Variants in LAMB2 observed in about 807,000 individuals in gnomAD.
LAMB2 encodes laminin subunit beta 2, also known as laminin subunit beta-2.
LAMB2 carries 119 observed loss-of-function variants against 202.7 expected under a neutral mutation model. The ratio of observed to expected loss-of-function variants is 0.59; its 90% CI spans 0.51 to 0.68. LAMB2 has a LOEUF of 0.68. LAMB2 is among the 30% of genes least tolerant of loss of function. LAMB2 has a pLI of 0.00. For synonymous variants in LAMB2, 818 were observed against 902.2 expected (o/e 0.91, Z 1.67); for missense variants, 2,124 against 2,410.6 (o/e 0.88, Z 2.49).
intron 24 of LAMB2, 22 bp from the exon 25 acceptor site, chr3:49,123,653 T>C (rs2045377114): frequency 1.2e-6 from 2 of 1,613,176 alleles, no homozygotes; most frequent in Non-Finnish European, 1.7e-6. Context: ...GAGAGGGGGG[T>C]GTTTAGAGAG....
At position 49,123,370 on chromosome 3, in the gene LAMB2, G is replaced by A. The variant is rs1575531630; in HGVS notation, c.3986C>T (p.Ala1329Val). The A allele has an allele frequency of 6.2e-7, 1 of 1,613,984 alleles. No individual in the cohort carries two copies. The highest frequency in any genetic ancestry group is 8.5e-7 in the Non-Finnish European group (1 of 1,180,010). ...DLLKHSNFLG[A>V]YDSIRHAHSQ... is the part of the protein sequence containing the mutation. ...ATGGGCATGCCGGATGCTGTCATAG[G>A]CACCTAAATTGGGCAGAGGCAGACA... is the stretch of plus-strand genomic sequence containing the variant. The change falls in exon 26 of 32, where the codon GCC (alanine) becomes GTC (valine). Residue 1329 changes from alanine (A) to valine (V), a missense_variant. Ala to Val is a moderately conservative substitution (Grantham distance 64). Coordinates refer to ENST00000305544, the MANE Select transcript of LAMB2 (RefSeq NM_002292.4).
At chr3:49,125,934 T>C in intron 17 of LAMB2, 33 bp downstream of exon 17, 1 of 1,614,068 alleles carries the variant, frequency 6.2e-7, no homozygotes, top group Non-Finnish European at 8.5e-7. Flanking sequence ...GGTCCCCACC[T>C]CTGCCCCATC....
In LAMB2 at chr3:49,124,765, C is replaced by T. The variant is rs746638105; in HGVS notation, c.3045G>A (p.Glu1015=). ...GQCLRCLHHT[E]GPHCAHCKPG... ...GCTTGCAGTGGGCACAGTGTGGACCCTCTGTGTGGTGTAAACAGCGCAGGC... is the reference window on the plus strand; with the variant it reads ...GCTTGCAGTGGGCACAGTGTGGACCTTCTGTGTGGTGTAAACAGCGCAGGC... The change falls in exon 21 of 32, where the codon GAG becomes GAA. Residue 1015 remains glutamate, a synonymous_variant. Transcript: ENST00000305544. 51 of 1,614,092 alleles carry T rather than the reference C, an allele frequency of 3.2e-5. No homozygotes were observed. The highest frequency in any genetic ancestry group is 3.7e-5 in the Non-Finnish European group (44 of 1,180,048).
rs947153192 is a variant in LAMB2 at position 49,131,066 on chromosome 3, G to A, written c.799C>T (p.Arg267Ter). ...TAGAGGGCATAGTAGTACTTCTCTC[G>A]GATCTCCCTCCGTGGGTCGAGTAGG... is the stretch of plus-strand genomic sequence containing the variant. ...DNLLDPRREI[R>*]EKYYYALYEL... The change falls in exon 7 of 32, where the codon CGA (arginine) becomes TGA (stop). Residue 267 changes from arginine to a stop codon, truncating the protein, a stop_gained. Coordinates refer to ENST00000305544, the MANE Select transcript of LAMB2 (RefSeq NM_002292.4). LOFTEE classifies it high-confidence loss of function. This position sits in a 1 kb window ranked among gnomAD's most constrained non-coding sequence, Gnocchi z 5.0. 1 of 1,613,796 alleles carries A rather than the reference G, an allele frequency of 6.2e-7. No homozygotes were observed. The highest frequency in any genetic ancestry group is 1.3e-5 in the African/African-American group (1 of 75,030).
In LAMB2 at chr3:49,124,701, G is replaced by A. The variant is rs201159870; in HGVS notation, c.3109C>T (p.Arg1037Cys). ...HGQAARQSCH[R>C]CTCNLLGTNP... ...CATGCCCTCCCACACTCATACTCAC[G>A]GTGACAGCTCTGTCGGGCAGCCTGC... Residue 1037 changes from arginine to cysteine, a missense_variant and splice_region_variant, in exon 21 of 32, where the codon CGC becomes TGC. By Grantham distance (180) the Arg-to-Cys change is radical (BLOSUM62 -3). This residue lies in a region of LAMB2 where 1,702 missense variants were observed against 1,896.3 expected (regional missense o/e 0.90). Transcript: ENST00000305544. 11 of 1,614,142 alleles carry A rather than the reference G, an allele frequency of 6.8e-6. No individual in the cohort carries two copies. The highest frequency in any genetic ancestry group is 7.6e-6 in the Non-Finnish European group (9 of 1,180,014).
In LAMB2 at chr3:49,121,313, T is replaced by C; in HGVS notation, c.5310A>G (p.Ala1770=). The change falls in exon 32 of 32, where the codon GCA becomes GCG. Residue 1770 remains alanine, a synonymous_variant. Coordinates refer to ENST00000305544, the MANE Select transcript of LAMB2 (RefSeq NM_002292.4). ...TGGCCTCCAACCCGTCCAACTGGGC[T>C]GCCTTACTCTCCAGTGCCCGCTCAT... is the stretch of plus-strand genomic sequence containing the variant. ...EENERALESK[A]AQLDGLEARM... 6.2e-7 allele frequency: 1 copy of C among 1,613,768 alleles called. No individual in the cohort carries two copies. The highest frequency in any genetic ancestry group is 8.5e-7 in the Non-Finnish European group (1 of 1,180,046).
chr3:49,125,531 G>T, intron 18 of LAMB2, 47 bp from the exon 19 acceptor site: 1 of 1,499,928 alleles, frequency 6.7e-7, no homozygotes, highest in Non-Finnish European at 9.1e-7. Context: ...GGGGGTCTGA[G>T]GGGAGTGTGG....
chr3:49,132,515 G>T lies in LAMB2; in HGVS notation c.225C>A (p.Pro75=). 1 of 1,613,822 alleles carries T rather than the reference G, an allele frequency of 6.2e-7. No homozygotes were observed. ...SSTCGLNGPQ[P]YCIVSHLQDE... The stretch of plus-strand genomic sequence containing the variant: ...CCTGCAGGTGACTGACGATGCAGTA[G>T]GGCTGGGGGCCATTCAGGCCACAAG... Residue 75 remains proline, a synonymous_variant, in exon 2 of 32, where the codon CCC becomes CCA. Coordinates refer to ENST00000305544, the MANE Select transcript of LAMB2 (RefSeq NM_002292.4). The surrounding 1 kb of genome is among the most constrained non-coding windows in gnomAD (Gnocchi z 4.6).
At chr3:49,126,209 G>T in intron 16 of LAMB2, 50 bp from the exon 17 acceptor site, 1 of 1,607,186 alleles carries the variant, frequency 6.2e-7, no homozygotes, top group Non-Finnish European at 8.5e-7. Flanking sequence ...GACCACGTAG[G>T]CATTGCCAGA....
chr3:49,129,591 C>A lies in LAMB2; in HGVS notation c.1518+13G>T. On this transcript the variant is annotated intron_variant, in intron 11 of 31. Transcript: ENST00000305544. This position sits in a 1 kb window ranked among gnomAD's most constrained non-coding sequence, Gnocchi z 6.1. ...AATCATGCCCCTAGAACTCCAGCCCCTTCCAGTCGCACCAGGCAGCGGTCA... is the reference window on the plus strand; with the variant it reads ...AATCATGCCCCTAGAACTCCAGCCCATTCCAGTCGCACCAGGCAGCGGTCA... 1 of 1,602,922 alleles carries A rather than the reference C, an allele frequency of 6.2e-7. No homozygotes were observed. Among genetic ancestry groups the A allele is most frequent in the Non-Finnish European group, 8.5e-7 (1 of 1,169,990 alleles).
intron 23 of LAMB2, 21 bp from the exon 24 acceptor site, chr3:49,124,121 CAGA>C: frequency 6.2e-7 from 1 of 1,614,178 alleles, no homozygotes; most frequent in African/African-American, 1.3e-5. Context: ...GAGCAGAGCA[CAGA>C]GTTAGGGTCA....
rs121912489 is a variant in LAMB2, at chr3:49,126,449, G to C, written c.2067C>G (p.Tyr689Ter). Residue 689 changes from tyrosine to a stop codon, truncating the protein, a stop_gained, in exon 16 of 32, where the codon TAC (tyrosine) becomes TAG (stop). Transcript: ENST00000305544. LOFTEE classifies it high-confidence loss of function. ...TCCGTACCAGCTTCAGATGCAGCTT[G>C]TAGGAGATACCAGGCTCAAGGCAGA... is the stretch of plus-strand genomic sequence containing the variant. ...NPVCLEPGISYKLHLKLVRTG... is the reference protein window; with the variant it reads ...NPVCLEPGIS 1 of 1,614,190 alleles carries C rather than the reference G, an allele frequency of 6.2e-7. No homozygotes were observed. The highest frequency in any genetic ancestry group is 8.5e-7 in the Non-Finnish European group (1 of 1,180,038).
intron 27 of LAMB2, 164 bp downstream of exon 27, chr3:49,122,540 T>C (rs2045341040): frequency 4.3e-6 from 4 of 920,176 alleles, no homozygotes; most frequent in Admixed American, 1.9e-5. Context: ...CTCAAGAACA[T>C]GGACCTGGGA....
chr3:49,126,408 T>C lies in LAMB2; in HGVS notation c.2108A>G (p.Gln703Arg). 1 of 1,614,188 alleles carries C rather than the reference T, an allele frequency of 6.2e-7. No homozygotes were observed. The highest frequency in any genetic ancestry group is 1.1e-5 in the South Asian group (1 of 91,076). ...AGGTCCAGAGTAGGGAGTCTCAGGCTGGGCACTTCCCCCTGTCCGTACCAG... is the reference window on the plus strand; with the variant it reads ...AGGTCCAGAGTAGGGAGTCTCAGGCCGGGCACTTCCCCCTGTCCGTACCAG... ...LKLVRTGGSA[Q>R]PETPYSGPGL... The change falls in exon 16 of 32, where the codon CAG (glutamine) becomes CGG (arginine). Residue 703 changes from glutamine (Q) to arginine (R), a missense_variant. Gln to Arg is a conservative substitution (Grantham distance 43, BLOSUM62 1). Transcript: ENST00000305544.
intron 13 of LAMB2, 77 bp downstream of exon 13, chr3:49,128,943 C>T: frequency 6.2e-7 from 1 of 1,600,682 alleles, no homozygotes; most frequent in Non-Finnish European, 8.5e-7. Context: ...CAACAAGGTA[C>T]TGCCCATAAC....
chr3:49,128,725 T>C lies in LAMB2; in HGVS notation c.1826A>G (p.Glu609Gly). The C allele has an allele frequency of 1.2e-6, 2 of 1,614,102 alleles. No homozygotes were observed. The highest frequency in any genetic ancestry group is 1.7e-6 in the Non-Finnish European group (2 of 1,180,026). Residue 609 changes from glutamate to glycine, a missense_variant, in exon 14 of 32, where the codon GAG becomes GGG. By Grantham distance (98) the Glu-to-Gly change is moderately conservative (BLOSUM62 -2). Around this residue, in one of 3 missense-constraint regions of LAMB2, gnomAD observed 1,702 missense variants for 1,896.3 expected, o/e 0.90. Coordinates refer to ENST00000305544, the MANE Select transcript of LAMB2 (RefSeq NM_002292.4). ...FVRLQEGQTL[E>G]FLVASVPKAM... ...CTTCGGCACAGAGGCCACCAGGAAC[T>C]CCAGGGTCTGACCTTCCTGTAGCCG...
Position 49,132,602 on chromosome 3 carries a change from G to A in LAMB2, c.138C>T (p.Ser46=). 1 of 1,613,722 alleles carries A rather than the reference G, an allele frequency of 6.2e-7. No homozygotes were observed. The highest frequency in any genetic ancestry group is 2.2e-5 in the East Asian group (1 of 44,886). The change falls in exon 2 of 32, where the codon AGC becomes AGT. Residue 46 remains serine, a synonymous_variant. Transcript: ENST00000305544. This position sits in a 1 kb window ranked among gnomAD's most constrained non-coding sequence, Gnocchi z 4.6. The part of the protein sequence containing the change: ...APDVPGCSRG[S]CYPATGDLLV... ...GCAGGTCGCCCGTGGCGGGGTAGCA[G>A]CTTCCCCTGGAACAGCCAGGCACAT...
Position 49,124,700 on chromosome 3 carries a change from C to T in LAMB2, c.3109+1G>A, listed in dbSNP as rs888830612. The stretch of plus-strand genomic sequence containing the variant: ...CCATGCCCTCCCACACTCATACTCA[C>T]GGTGACAGCTCTGTCGGGCAGCCTG... On this transcript the variant is annotated splice_donor_variant, in intron 21 of 31. Transcript: ENST00000305544. LOFTEE classifies it high-confidence loss of function. The T allele has an allele frequency of 8.1e-6, 13 of 1,614,052 alleles. No homozygotes were observed. Among genetic ancestry groups the T allele is most frequent in the Admixed American group, 3.3e-5 (2 of 60,018 alleles).
rs372032732 is a variant in LAMB2, at chr3:49,123,906, G to A, written c.3619C>T (p.Arg1207Cys). 18 of 1,613,182 alleles carry A rather than the reference G, an allele frequency of 1.1e-5. No homozygotes were observed. The highest frequency in any genetic ancestry group is 8.0e-5 in the African/African-American group (6 of 74,930). The change falls in exon 24 of 32, where the codon CGT becomes TGT. Residue 1207 changes from arginine to cysteine, a missense_variant. Around this residue, in one of 3 missense-constraint regions of LAMB2, gnomAD observed 1,702 missense variants for 1,896.3 expected, o/e 0.90. Transcript: ENST00000305544. ...WDRVVQDLAA[R>C]TQRLEQRAQE... is the part of the protein sequence containing the mutation. ...GCCCGCTGCTCTAGGCGCTGTGTAC[G>A]GGCTGCCAAGTCCTGCACCACTCGG...
Sources: allele counts gnomAD v4.1 joint callset, GRCh38; gene constraint gnomAD v4.1.1; regional missense constraint gnomAD v4.1.1; non-coding constraint Gnocchi (gnomAD v3.1); transcripts MANE v1.5; gene names NCBI Gene and HGNC (gene_info 2026-07-23, HGNC 2026-07-21).